TMEM14C: variants seen among roughly 807,000 people sequenced by gnomAD.
TMEM14C encodes the protein transmembrane protein 14C.
Under a neutral mutation model 14.8 loss-of-function variants are expected in TMEM14C, and 13 were observed. That is an observed-to-expected ratio of 0.88 (90% CI 0.57 to 1.40). The LOEUF is 1.40. Among genes scored for constraint, TMEM14C ranks in the 40% most tolerant of loss-of-function variants. The pLI, the probability that TMEM14C is intolerant of heterozygous loss-of-function variation, is 0.00. For missense variants in TMEM14C, 142 were observed against 138.8 expected, an observed-to-expected ratio of 1.02 and a Z score of -0.12; for synonymous variants, 57 against 51.3, an observed-to-expected ratio of 1.11 and a Z score of -0.48.
At chr6:10,724,459 A>G (rs1204668646) in intron 1 of TMEM14C, 111 bp from the exon 2 acceptor site, 3 of 690,626 alleles carry the variant, frequency 4.3e-6, no homozygotes, top group South Asian at 3.5e-5. Context: ...CTCATGGTAC[A>G]GTGAAGAATA....
intron 1 of TMEM14C, among the ~76,000 whole-genome samples, chr6:10,723,720 C>T (rs1182008493): frequency 6.6e-6 from 1 of 151,596 alleles, no homozygotes; most frequent in East Asian, 1.9e-4. Flanking sequence ...CCACTTCAGC[C>T]TCCCAAGTAG....
In TMEM14C at chr6:10,725,019, A is replaced by G. The variant is rs144469250; in HGVS notation, c.79A>G (p.Ile27Val). 6 of 1,614,098 alleles carry G rather than the reference A, an allele frequency of 3.7e-6. No individual in the cohort carries two copies. Among genetic ancestry groups the G allele is most frequent in the Middle Eastern group, 1.6e-4 (1 of 6,082 alleles). ...YAALVASGGI[I>V]GYVKAGSVPS... ...AGCACTGGTTGCTTCTGGTGGGATC[A>G]TTGGCTATGTAAAAGCAGGTAGGGT... The change falls in exon 3 of 6, where the codon ATT becomes GTT. Residue 27 changes from isoleucine (I) to valine (V), a missense_variant. Ile to Val is a conservative substitution (Grantham distance 29). Transcript: ENST00000229563.
chr6:10,724,779 GTT>G lies in TMEM14C; in HGVS notation c.20+148_20+149del, dbSNP rs1003262679. The G allele has an allele frequency of 1.1e-5, 15 of 1,321,588 alleles. No individual in the cohort carries two copies. In the Admixed American group the frequency reaches 2.9e-4, roughly 26 times the overall value. The allele number at this position is 1,321,588 out of a possible 1,614,324, so 81.9% of individuals were successfully genotyped here. A position where few individuals can be genotyped will look rare whatever the true frequency, so the allele number is the denominator to read the frequency against. On this transcript the variant is annotated intron_variant, in intron 2 of 5. Coordinates refer to ENST00000229563, the MANE Select transcript of TMEM14C (RefSeq NM_016462.4). The stretch of plus-strand genomic sequence containing the variant: ...CTGGACCTGTGGGCCAGAAACTTGG[GTT>G]TGAGTCCCAGCTCTGGCTTTGCTGA...
At position 10,725,897 on chromosome 6, in the gene TMEM14C, T is replaced by C. The variant is rs751540660; in HGVS notation, c.98-10T>C. 6.2e-7 allele frequency: 1 copy of C among 1,613,236 alleles called. No individual in the cohort carries two copies. The highest frequency in any genetic ancestry group is 8.5e-7 in the Non-Finnish European group (1 of 1,179,964). On this transcript the variant is annotated splice_polypyrimidine_tract_variant and intron_variant, in intron 3 of 5. Transcript: ENST00000229563. ...ACATTACAATGCAAGCTGTGTTTGC[T>C]TCCCTCTAGGCAGCGTGCCGTCCCT...
Position 10,728,698 on chromosome 6 carries a change from C to T in TMEM14C, c.258C>T (p.Phe86=). ...MGMRFYHSGK[F]MPAGLIAGAS... ...TGAGGTTCTACCACTCTGGAAAATT[C>T]ATGCCTGCAGGTTTAATTGCAGGTG... Residue 86 remains phenylalanine, a synonymous_variant, in exon 5 of 6, where the codon TTC becomes TTT. Coordinates refer to ENST00000229563, the MANE Select transcript of TMEM14C (RefSeq NM_016462.4). The T allele has an allele frequency of 1.2e-6, 2 of 1,614,222 alleles. No homozygotes were observed. The highest frequency in any genetic ancestry group is 8.5e-7 in the Non-Finnish European group (1 of 1,180,036).
intron 5 of TMEM14C, 200 bp downstream of exon 5, chr6:10,728,927 T>A: frequency 7.8e-7 from 1 of 1,288,072 alleles, no homozygotes. Flanking sequence ...CCATTCACCG[T>A]GGAAATGGGT....
At position 10,731,025 on chromosome 6, in the gene TMEM14C, A is replaced by T; in HGVS notation, c.*359A>T. 1 of 995,902 alleles carries T rather than the reference A, an allele frequency of 1.0e-6. No individual in the cohort carries two copies. The highest frequency in any genetic ancestry group is 1.2e-6 in the Non-Finnish European group (1 of 836,894). 61.7% of individuals were successfully genotyped at this position (995,902 alleles called of 1,614,324 possible). On this transcript the variant is annotated 3_prime_UTR_variant, in exon 6 of 6. Transcript: ENST00000229563. The stretch of plus-strand genomic sequence containing the variant: ...GGAACAGTGTGAAAAAAAGTCTTTT[A>T]GGAGATTTACAATATCTGTTCTTTT...
chr6:10,728,011 C>T (rs963568685), intron 4 of TMEM14C, among the ~76,000 whole-genome samples: 1 of 152,154 alleles, frequency 6.6e-6, no homozygotes, highest in Non-Finnish European at 1.5e-5. Context: ...GGGTGAATGT[C>T]CCATGCTCCC....
chr6:10,729,245 C>G (rs973884081), intron 5 of TMEM14C, among the ~76,000 whole-genome samples: 9 of 152,190 alleles, frequency 5.9e-5, no homozygotes, highest in African/African-American at 2.2e-4. Flanking sequence ...AAGCGATTCT[C>G]ATGCCTCAGC....
intron 5 of TMEM14C, among the ~76,000 whole-genome samples, chr6:10,730,150 G>T (rs1244127675): frequency 6.6e-6 from 1 of 152,102 alleles, no homozygotes; most frequent in Admixed American, 6.6e-5. Context: ...ATTTAGTTAA[G>T]TATCATAAAG....
chr6:10,729,930 T>A (rs552974103), intron 5 of TMEM14C, among the ~76,000 whole-genome samples: 21 of 152,172 alleles, frequency 1.4e-4, no homozygotes, highest in African/African-American at 4.6e-4. Context: ...AAACCCCATC[T>A]CTATGAAAAA....
At chr6:10,725,199 C>T (rs1770821491) in intron 3 of TMEM14C, among the ~76,000 whole-genome samples, 162 bp downstream of exon 3, 1 of 152,158 alleles carries the variant, frequency 6.6e-6, no homozygotes, top group African/African-American at 2.4e-5. Flanking sequence ...CCTGCCCTTG[C>T]CCTTTGGTTA....
Position 10,730,806 on chromosome 6 carries a change from G to A in TMEM14C, c.*140G>A. Reference sequence around the variant, plus strand: ...AAAAAAAGACACCAAACTTGGCAGAGAGGTGGAAAATCAGTCATGATTACA... The same window carrying A: ...AAAAAAAGACACCAAACTTGGCAGAAAGGTGGAAAATCAGTCATGATTACA... On this transcript the variant is annotated 3_prime_UTR_variant, in exon 6 of 6. Coordinates refer to ENST00000229563, the MANE Select transcript of TMEM14C (RefSeq NM_016462.4). 4 of 1,360,874 alleles carry A rather than the reference G, an allele frequency of 2.9e-6. No individual in the cohort carries two copies. Among genetic ancestry groups the A allele is most frequent in the Non-Finnish European group, 3.8e-6 (4 of 1,050,778 alleles). 84.3% of individuals were successfully genotyped at this position (1,360,874 alleles called of 1,614,324 possible).
At chr6:10,727,117 A>G (rs749080546) in intron 4 of TMEM14C, among the ~76,000 whole-genome samples, 2 of 152,054 alleles carry the variant, frequency 1.3e-5, no homozygotes, top group African/African-American at 2.4e-5. Context: ...TAGGGAAAAA[A>G]CAGCAGCCAT....
chr6:10,729,641 G>A (rs1770971855), intron 5 of TMEM14C, among the ~76,000 whole-genome samples: 1 of 152,038 alleles, frequency 6.6e-6, no homozygotes, highest in Non-Finnish European at 1.5e-5. Context: ...GCTGGTTATG[G>A]TAGTGGGCAC....
chr6:10,724,534 C>T lies in TMEM14C; in HGVS notation c.-44-36C>T. On this transcript the variant is annotated intron_variant, in intron 1 of 5. Coordinates refer to ENST00000229563, the MANE Select transcript of TMEM14C (RefSeq NM_016462.4). ...TCTTTCTGACTGCTGGAGAGCTGTG[C>T]TTTTAACTACCTCTGATCCAGCTTG... 2.7e-6 allele frequency: 4 copies of T among 1,480,558 alleles called. No individual in the cohort carries two copies. The East Asian group carries it at 6.8e-5, about 25-fold the overall frequency. 91.7% of individuals were successfully genotyped at this position (1,480,558 alleles called of 1,614,324 possible). A position where few individuals can be genotyped will look rare whatever the true frequency, so the allele number is the denominator to read the frequency against.
Position 10,730,976 on chromosome 6 carries a change from C to G in TMEM14C, c.*310C>G. 9.6e-7 allele frequency: 1 copy of G among 1,043,096 alleles called. No homozygotes were observed. The highest frequency in any genetic ancestry group is 1.2e-6 in the Non-Finnish European group (1 of 867,800). The allele number at this position is 1,043,096 out of a possible 1,614,324, so 64.6% of individuals were successfully genotyped here. ...ATGTTAGGTGTCAGCTTTCAGGGCT[C>G]TGAAACCCCATTCCCTGCTCTGAGG... On this transcript the variant is annotated 3_prime_UTR_variant, in exon 6 of 6. Coordinates refer to ENST00000229563, the MANE Select transcript of TMEM14C (RefSeq NM_016462.4).
At chr6:10,728,496 A>G (rs972110670) in intron 4 of TMEM14C, 144 bp from the exon 5 acceptor site, 6 of 838,326 alleles carry the variant, frequency 7.2e-6, no homozygotes, top group Non-Finnish European at 9.2e-6. Flanking sequence ...GTGGGCAGTC[A>G]GTAGTCTCCC....
chr6:10,728,070 C>G (rs1194165819), intron 4 of TMEM14C, among the ~76,000 whole-genome samples: 1 of 152,182 alleles, frequency 6.6e-6, no homozygotes, highest in African/African-American at 2.4e-5. Context: ...CTGGAATGGG[C>G]CTTCCCATCC....
Sources: allele counts gnomAD v4.1 joint callset (sites outside exome capture counted in the v4.1 genomes callset), GRCh38; gene constraint gnomAD v4.1.1; transcripts MANE v1.5; gene names NCBI Gene and HGNC (gene_info 2026-07-23, HGNC 2026-07-21).